The following ADGRV1 variants were observed in gnomAD, a reference collection of about 807,000 sequenced individuals.
ADGRV1 encodes the protein G-protein coupled receptor 98.
ADGRV1 carries 359 observed loss-of-function variants against 596.2 expected under a neutral mutation model. That is an observed-to-expected ratio of 0.60 (90% confidence interval 0.55 to 0.66). The LOEUF is 0.66. Among genes scored for constraint, ADGRV1 ranks in the 30% least tolerant of loss-of-function variants. The pLI is 0.00. For synonymous variants in ADGRV1, 2,681 were observed against 2,679.2 expected (o/e 1.00, Z -0.02); for missense variants, 7,274 against 7,575.6 (o/e 0.96, Z 1.48).
chr5:91,155,564 A>G (rs1336459589), intron 89 of ADGRV1, among the ~76,000 whole-genome samples: 1 of 152,216 alleles, frequency 6.6e-6, no homozygotes, highest in Non-Finnish European at 1.5e-5. Flanking sequence ...GCAGAGATTC[A>G]CAATTCACAT....
rs1214273308 is a variant in ADGRV1, at chr5:90,675,274, T to C, written c.5142T>C (p.Pro1714=). 4 of 1,613,666 alleles carry C rather than the reference T, an allele frequency of 2.5e-6. No individual in the cohort carries two copies. The highest frequency in any genetic ancestry group is 3.4e-6 in the Non-Finnish European group (4 of 1,179,816). ...TGCAGTTCTCCACAGGGCTGCCTCC[T>C]CAGCCTAAGGACGCAATGACCCTGC... ...GLLQFSTGLP[P]QPKDAMTLPA... Residue 1714 remains proline (P), a synonymous_variant, in exon 24 of 90, where the codon CCT becomes CCC. Transcript: ENST00000405460.
At chr5:90,580,392 T>C (rs1186083879) in intron 1 of ADGRV1, among the ~76,000 whole-genome samples, 1 of 152,146 alleles carries the variant, frequency 6.6e-6, no homozygotes, top group Non-Finnish European at 1.5e-5. Flanking sequence ...AAGAGTGTTT[T>C]CCAGCTTGGT....
intron 86 of ADGRV1, among the ~76,000 whole-genome samples, chr5:91,101,571 C>T (rs1562220720): frequency 6.6e-6 from 1 of 152,134 alleles, no homozygotes; most frequent in East Asian, 1.9e-4. Flanking sequence ...TCAAAATAGA[C>T]AAGTGGAAAG....
At chr5:90,819,091 G>A (rs1237513660) in intron 75 of ADGRV1, among the ~76,000 whole-genome samples, 2 of 152,150 alleles carry the variant, frequency 1.3e-5, no homozygotes, top group Non-Finnish European at 2.9e-5. Flanking sequence ...TACAATTTCA[G>A]CTCCTGTTAT....
chr5:91,048,017 G>A (rs1785979643), intron 85 of ADGRV1, among the ~76,000 whole-genome samples: 1 of 152,182 alleles, frequency 6.6e-6, no homozygotes, highest in Non-Finnish European at 1.5e-5. Flanking sequence ...ACTTACTAAG[G>A]CATAAAGTTT....
intron 11 of ADGRV1, among the ~76,000 whole-genome samples, chr5:90,642,172 G>T (rs1041505017): frequency 6.6e-6 from 1 of 152,018 alleles, no homozygotes; most frequent in African/African-American, 2.4e-5. Context: ...GCTATTATGT[G>T]CTCTATTCAG....
intron 85 of ADGRV1, among the ~76,000 whole-genome samples, chr5:91,051,959 C>T (rs755543964): frequency 1.3e-5 from 2 of 152,062 alleles, no homozygotes; most frequent in Non-Finnish European, 2.9e-5. Context: ...ATCCTGTTTA[C>T]GATATTCATT....
At position 91,082,358 on chromosome 5, in the gene ADGRV1, A is replaced by G. The variant is rs187844346; in HGVS notation, c.18310+9754A>G. Among the ~76,000 whole-genome samples, 154 of 152,218 alleles carry G rather than the reference A, an allele frequency of 1.0e-3. 1 individual carries two copies. Among genetic ancestry groups the G allele is most frequent in the Non-Finnish European group, 1.7e-3 (117 of 68,018 alleles). ...TATTTTTTTTCTGAGACAGAGTCTT[A>G]CTGTATTGCCCAGGATGGAGTGCCG... On this transcript the variant is annotated intron_variant, in intron 86 of 89. Transcript: ENST00000405460.
intron 83 of ADGRV1, among the ~76,000 whole-genome samples, chr5:90,918,408 A>G (rs1773577144): frequency 1.3e-5 from 2 of 152,210 alleles, no homozygotes; most frequent in African/African-American, 4.8e-5. Context: ...TTAGGTTTCA[A>G]TGTTCGGGCT....
intron 61 of ADGRV1, 103 bp from the exon 62 acceptor site, chr5:90,777,802 T>C (rs1758404397): frequency 5.6e-6 from 6 of 1,077,482 alleles, no homozygotes; most frequent in South Asian, 2.0e-5. Flanking sequence ...AAAACTGTTA[T>C]TGAAATGGAT....
intron 75 of ADGRV1, among the ~76,000 whole-genome samples, chr5:90,819,539 T>C (rs1271308703): frequency 2.7e-5 from 4 of 150,588 alleles, no homozygotes; most frequent in Admixed American, 6.6e-5. Context: ...TCCTGCTTTC[T>C]CTTGTGGGCA....
intron 20 of ADGRV1, chr5:90,655,086 A>C (rs1054664735): frequency 5.9e-5 from 9 of 152,342 alleles, no homozygotes; most frequent in African/African-American, 2.2e-4. Flanking sequence ...TGCATATTGT[A>C]AGTGTACAGA....
At position 90,642,634 on chromosome 5, in the gene ADGRV1, A is replaced by G. The variant is rs929034631; in HGVS notation, c.2241-2A>G. 6.2e-7 allele frequency: 1 copy of G among 1,612,102 alleles called. No homozygotes were observed. Among genetic ancestry groups the G allele is most frequent in the Non-Finnish European group, 8.5e-7 (1 of 1,179,150 alleles). On this transcript the variant is annotated splice_acceptor_variant, in intron 11 of 89. Coordinates refer to ENST00000405460, the MANE Select transcript of ADGRV1 (RefSeq NM_032119.4). LOFTEE classifies it high-confidence loss of function. The stretch of plus-strand genomic sequence containing the variant: ...TGCCATTTGTCTCTCTGACTTCTCT[A>G]GGGTTAACGTGGAAAACCAAGTGCT...
chr5:90,662,001 T>A (rs1319728857), intron 21 of ADGRV1, among the ~76,000 whole-genome samples: 1 of 152,132 alleles, frequency 6.6e-6, no homozygotes, highest in African/African-American at 2.4e-5. Flanking sequence ...ACCCCATTCC[T>A]GGATCACAAT....
At chr5:90,870,077 A>G (rs1362885661) in intron 83 of ADGRV1, among the ~76,000 whole-genome samples, 1 of 152,200 alleles carries the variant, frequency 6.6e-6, no homozygotes, top group Non-Finnish European at 1.5e-5. Flanking sequence ...AATTTTGAGC[A>G]TGAGGGGTTT....
At chr5:90,859,173 C>T (rs1044811782) in intron 82 of ADGRV1, among the ~76,000 whole-genome samples, 1 of 152,142 alleles carries the variant, frequency 6.6e-6, no homozygotes, top group Admixed American at 6.5e-5. Context: ...GGAGTTCCTA[C>T]TATATTGCTC....
At chr5:90,602,749 T>C (rs1437473090) in intron 1 of ADGRV1, among the ~76,000 whole-genome samples, 2 of 152,220 alleles carry the variant, frequency 1.3e-5, no homozygotes, top group Non-Finnish European at 2.9e-5. Context: ...AAAACTGGAA[T>C]AAAGTGTTGA....
At chr5:90,742,721 T>C (rs993952603) in intron 50 of ADGRV1, among the ~76,000 whole-genome samples, 8 of 152,086 alleles carry the variant, frequency 5.3e-5, no homozygotes, top group Non-Finnish European at 1.2e-4. Context: ...GCGCATTCTT[T>C]AGAGATGTTG....
chr5:91,027,789 T>C (rs1784138868), intron 85 of ADGRV1, among the ~76,000 whole-genome samples: 1 of 152,186 alleles, frequency 6.6e-6, no homozygotes, highest in Admixed American at 6.5e-5. Flanking sequence ...ACAAGGAGCA[T>C]TGCTTTTTCC....
Sources: allele counts gnomAD v4.1 joint callset (sites outside exome capture counted in the v4.1 genomes callset), GRCh38; gene constraint gnomAD v4.1.1; transcripts MANE v1.5; gene names NCBI Gene and HGNC (gene_info 2026-07-23, HGNC 2026-07-21).